DBNL: variants seen among roughly 807,000 people sequenced by gnomAD.
DBNL encodes the protein drebrin-like protein.
DBNL carries 35 observed loss-of-function variants against 62.2 expected under a neutral mutation model. The observed-to-expected ratio is 0.56, with a 90% confidence interval of 0.43 to 0.75. The LOEUF is 0.75. Ranked by LOEUF, DBNL falls within the 30% of genes least tolerant of loss-of-function variation. The probability of loss-of-function intolerance (pLI) is 0.00; values close to 1 mark genes in which losing one functional copy is unlikely to be tolerated. For synonymous variants in DBNL, 197 were observed against 218.0 expected (o/e 0.90, Z 0.85); for missense variants, 495 against 578.4 (o/e 0.86, Z 1.48).
chr7:44,057,953 C>T, intron 6 of DBNL, 94 bp downstream of exon 6: 3 of 1,567,206 alleles, frequency 1.9e-6, no homozygotes, highest in Middle Eastern at 1.7e-4. Context: ...AGCATCCACT[C>T]TCCTTGGTGC....
rs1169570563 is a variant in DBNL, at chr7:44,060,808, G to C, written c.1185G>C (p.Glu395Asp). 5 of 1,614,086 alleles carry C rather than the reference G, an allele frequency of 3.1e-6. No individual in the cohort carries two copies. Among genetic ancestry groups the C allele is most frequent in the Non-Finnish European group, 4.2e-6 (5 of 1,179,976 alleles). The change falls in exon 13 of 13, where the codon GAG becomes GAC. Residue 395 changes from glutamate to aspartate, a missense_variant. Physicochemically the swap from Glu to Asp is conservative, Grantham distance 45 (BLOSUM62 2). Coordinates refer to ENST00000448521, the MANE Select transcript of DBNL (RefSeq NM_001014436.3). This position sits in a 1 kb window ranked among gnomAD's most constrained non-coding sequence, Gnocchi z 6.3. Reference sequence around the variant, plus strand: ...ACACAGAGATCTCCTTTGACCCCGAGAACCTCATCACGGGCATCGAGGTGA... The same window carrying C: ...ACACAGAGATCTCCTTTGACCCCGACAACCTCATCACGGGCATCGAGGTGA... ...ADDTEISFDPENLITGIEVID... is the reference protein window; with the variant it reads ...ADDTEISFDPDNLITGIEVID...
Position 44,064,804 on chromosome 7 carries a change from C to CCCCCCCCCCCCACAAAT in DBNL, c.*3888_*3889insCCCCCCCCCCCACAAAT. ...CAGCTGGGGCTGCTGCCCACCCACCCTGCCCAGGCTCCTGAAGGTGGCCTC... is the reference window on the plus strand; with the variant it reads ...CAGCTGGGGCTGCTGCCCACCCACCCCCCCCCCCCCCACAAATTGCCCAGGCTCCTGAAGGTGGCCTC... On this transcript the variant is annotated 3_prime_UTR_variant, in exon 13 of 13. Transcript: ENST00000448521. 1 of 1,437,752 alleles carries CCCCCCCCCCCCACAAAT rather than the reference C, an allele frequency of 7.0e-7. No homozygotes were observed. The highest frequency in any genetic ancestry group is 9.6e-7 in the Non-Finnish European group (1 of 1,041,980). 89.1% of individuals were successfully genotyped at this position (1,437,752 alleles called of 1,614,324 possible). A position where few individuals can be genotyped will look rare whatever the true frequency, so the allele number is the denominator to read the frequency against.
intron 2 of DBNL, 27 bp from the exon 3 acceptor site, chr7:44,051,803 C>T: frequency 6.2e-7 from 1 of 1,611,770 alleles, no homozygotes; most frequent in African/African-American, 1.3e-5. Context: ...AGGGCCACCC[C>T]TGACCTTCAC....
intron 4 of DBNL, among the ~76,000 whole-genome samples, chr7:44,053,882 T>TA (rs1417212984): frequency 3.3e-5 from 5 of 151,988 alleles, no homozygotes; most frequent in Non-Finnish European, 7.4e-5. Flanking sequence ...TTCACTGTGT[T>TA]AGCCAGGATG....
intron 3 of DBNL, among the ~76,000 whole-genome samples, chr7:44,052,250 G>C (rs559119929): frequency 5.8e-4 from 89 of 152,224 alleles, no homozygotes; most frequent in Middle Eastern, 3.4e-3. Flanking sequence ...TAGAGAGCCT[G>C]AGGGAGTGTT....
Position 44,044,777 on chromosome 7 carries a change from G to C in DBNL, c.40G>C (p.Glu14Gln). 1 of 1,507,472 alleles carries C rather than the reference G, an allele frequency of 6.6e-7. No homozygotes were observed. The highest frequency in any genetic ancestry group is 1.2e-5 in the South Asian group (1 of 81,390). The allele number at this position is 1,507,472 out of a possible 1,614,324, so 93.4% of individuals were successfully genotyped here. Residue 14 changes from glutamate (E) to glutamine (Q), a missense_variant, in exon 1 of 13, where the codon GAG (glutamate) becomes CAG (glutamine). Coordinates refer to ENST00000448521, the MANE Select transcript of DBNL (RefSeq NM_001014436.3). ...NLSRNGPALQEAYVRVVTEKS... is the reference protein window; with the variant it reads ...NLSRNGPALQQAYVRVVTEKS... ...GAGCCGGAACGGGCCAGCGCTGCAA[G>C]AGGCCTACGTGCGGGTGGTCACCGA...
intron 3 of DBNL, among the ~76,000 whole-genome samples, chr7:44,052,210 G>A (rs1261631641): frequency 1.3e-5 from 2 of 152,078 alleles, no homozygotes; most frequent in East Asian, 1.9e-4. Flanking sequence ...TCCTTGCTCC[G>A]TGCTCTTGAG....
chr7:44,047,774 C>G (rs2096119951), intron 1 of DBNL, among the ~76,000 whole-genome samples: 1 of 152,110 alleles, frequency 6.6e-6, no homozygotes, highest in South Asian at 2.1e-4. Context: ...GCCCTTCTTT[C>G]AAAAGGCCTC....
At chr7:44,053,736 G>A (rs1373652618) in intron 4 of DBNL, among the ~76,000 whole-genome samples, 3 of 151,422 alleles carry the variant, frequency 2.0e-5, no homozygotes, top group Non-Finnish European at 4.4e-5. Context: ...GAGTGCAGTG[G>A]CGTGATCTTG....
At chr7:44,050,111 A>G in intron 1 of DBNL, 114 bp from the exon 2 acceptor site, 1 of 1,205,710 alleles carries the variant, frequency 8.3e-7, no homozygotes, top group South Asian at 1.2e-5. Context: ...GCCCACCCAC[A>G]GTGTTACTGT....
Position 44,069,177 on chromosome 7 carries a change from G to A in DBNL, c.*8261G>A, listed in dbSNP as rs1412613335. The A allele has an allele frequency of 2.6e-5, 4 of 152,316 alleles. No homozygotes were observed. The East Asian group carries it at 5.8e-4, about 22-fold the overall frequency. 9.4% of individuals were successfully genotyped at this position (152,316 alleles called of 1,614,324 possible). The stretch of plus-strand genomic sequence containing the variant: ...TCTTCAGACAGAAGAGATTACTGGG[G>A]GCAATTCAAAACTTTGGGAATGCAG... On this transcript the variant is annotated 3_prime_UTR_variant, in exon 13 of 13. Coordinates refer to ENST00000448521, the MANE Select transcript of DBNL (RefSeq NM_001014436.3).
At chr7:44,053,737 C>T (rs1324616142) in intron 4 of DBNL, among the ~76,000 whole-genome samples, 2 of 149,638 alleles carry the variant, frequency 1.3e-5, no homozygotes, top group Admixed American at 6.7e-5. Flanking sequence ...AGTGCAGTGG[C>T]GTGATCTTGG....
In DBNL at chr7:44,060,273, G is replaced by A; in HGVS notation, c.1153+120G>A. 4.3e-6 allele frequency: 4 copies of A among 924,766 alleles called. No homozygotes were observed. The highest frequency in any genetic ancestry group is 6.6e-6 in the Non-Finnish European group (4 of 608,452). 57.3% of individuals were successfully genotyped at this position (924,766 alleles called of 1,614,324 possible). A position where few individuals can be genotyped will look rare whatever the true frequency, so the allele number is the denominator to read the frequency against. ...TATCAGGAAGAGAAGACAGGAGGGTGGGCGGTGCGTTTAGGGGTAGAAGCA... is the reference window on the plus strand; with the variant it reads ...TATCAGGAAGAGAAGACAGGAGGGTAGGCGGTGCGTTTAGGGGTAGAAGCA... On this transcript the variant is annotated intron_variant, in intron 12 of 12. Transcript: ENST00000448521. The surrounding 1 kb of genome is among the most constrained non-coding windows in gnomAD (Gnocchi z 6.3).
chr7:44,054,139 G>A (rs1005726055), intron 4 of DBNL, among the ~76,000 whole-genome samples: 1 of 152,098 alleles, frequency 6.6e-6, no homozygotes, highest in African/African-American at 2.4e-5. Context: ...CTTACTTTTT[G>A]TAGAAAACAT....
Position 44,065,269 on chromosome 7 carries a change from G to T in DBNL, c.*4353G>T. 1.2e-6 allele frequency: 2 copies of T among 1,613,748 alleles called. No individual in the cohort carries two copies. Among genetic ancestry groups the T allele is most frequent in the Non-Finnish European group, 1.7e-6 (2 of 1,180,044 alleles). ...TGAGGCCCCCGTAATGCCGCTCATT[G>T]AGGCGCCAAGTGCGCACCACAGGCA... On this transcript the variant is annotated 3_prime_UTR_variant, in exon 13 of 13. Transcript: ENST00000448521.
At position 44,059,781 on chromosome 7, in the gene DBNL, G is replaced by T. The variant is rs2096144854; in HGVS notation, c.1047+123G>T. ...TTAAAGCACATGCATTTTTGGAGCAGCCCTGTGTTATAAATTGTCAGGGCA... is the reference window on the plus strand; with the variant it reads ...TTAAAGCACATGCATTTTTGGAGCATCCCTGTGTTATAAATTGTCAGGGCA... On this transcript the variant is annotated intron_variant, in intron 11 of 12. Coordinates refer to ENST00000448521, the MANE Select transcript of DBNL (RefSeq NM_001014436.3). The surrounding 1 kb of genome is among the most constrained non-coding windows in gnomAD (Gnocchi z 4.1). 7.9e-6 allele frequency: 8 copies of T among 1,014,796 alleles called. No individual in the cohort carries two copies. The Admixed American group carries it at 1.5e-4, about 19-fold the overall frequency. The allele number at this position is 1,014,796 out of a possible 1,614,324, so 62.9% of individuals were successfully genotyped here.
chr7:44,065,468 C>T lies in DBNL; in HGVS notation c.*4552C>T, dbSNP rs1392611950. The T allele has an allele frequency of 5.6e-6, 9 of 1,614,130 alleles. No individual in the cohort carries two copies. The highest frequency in any genetic ancestry group is 3.3e-5 in the South Asian group (3 of 91,086). On this transcript the variant is annotated 3_prime_UTR_variant, in exon 13 of 13. Transcript: ENST00000448521. The stretch of plus-strand genomic sequence containing the variant: ...CTCTGCATCGAACCAGCCACAGAAA[C>T]GGTTCTCCTGGTTCCATGTGCTCTC...
intron 4 of DBNL, among the ~76,000 whole-genome samples, chr7:44,055,979 AT>A (rs1264317885): frequency 2.0e-5 from 3 of 152,168 alleles, no homozygotes; most frequent in Non-Finnish European, 2.9e-5. Context: ...CCCAAAAAAA[AT>A]CTTTGCCCAG....
Position 44,044,777 on chromosome 7 carries a change from G to A in DBNL, c.40G>A (p.Glu14Lys). The change falls in exon 1 of 13, where the codon GAG becomes AAG. Residue 14 changes from glutamate to lysine, a missense_variant. Coordinates refer to ENST00000448521, the MANE Select transcript of DBNL (RefSeq NM_001014436.3). ...GAGCCGGAACGGGCCAGCGCTGCAAGAGGCCTACGTGCGGGTGGTCACCGA... is the reference window on the plus strand; with the variant it reads ...GAGCCGGAACGGGCCAGCGCTGCAAAAGGCCTACGTGCGGGTGGTCACCGA... Reference protein sequence around the residue: ...NLSRNGPALQEAYVRVVTEKS... With the variant: ...NLSRNGPALQKAYVRVVTEKS... 6.6e-7 allele frequency: 1 copy of A among 1,507,472 alleles called. No individual in the cohort carries two copies. Among genetic ancestry groups the A allele is most frequent in the Non-Finnish European group, 8.9e-7 (1 of 1,128,762 alleles). The allele number at this position is 1,507,472 out of a possible 1,614,324, so 93.4% of individuals were successfully genotyped here.
Sources: gnomAD v4.1 joint callset for allele counts (sites outside exome capture counted in the v4.1 genomes callset) on GRCh38, gnomAD v4.1.1 for gene constraint, Gnocchi (gnomAD v3.1) non-coding constraint, MANE v1.5 for transcripts, NCBI Gene and HGNC (gene_info 2026-07-23, HGNC 2026-07-21) for gene names.